Variants in SLC48A1 observed in about 807,000 individuals in gnomAD.
SLC48A1 encodes heme transporter HRG1.
SLC48A1 carries 6 observed loss-of-function variants against 14.8 expected under a neutral mutation model. The ratio of observed to expected loss-of-function variants is 0.41; its 90% CI spans 0.22 to 0.80. SLC48A1 has a LOEUF of 0.80. SLC48A1 is among the 30% of genes least tolerant of loss of function. SLC48A1 has a pLI of 0.34. For missense variants in SLC48A1, 165 were observed against 204.8 expected, an observed-to-expected ratio of 0.81 and a Z score of 1.19; for synonymous variants, 89 against 90.0, an observed-to-expected ratio of 0.99 and a Z score of 0.06.
intron 2 of SLC48A1, among the ~76,000 whole-genome samples, chr12:47,763,679 G>A (rs1592596269): frequency 1.3e-5 from 2 of 152,130 alleles, no homozygotes; most frequent in Admixed American, 6.5e-5. Flanking sequence ...AGCCTTAATG[G>A]GCCCCAAGCC....
chr12:47,760,187 A>G, intron 1 of SLC48A1: 7 of 985,242 alleles, frequency 7.1e-6, no homozygotes, highest in Non-Finnish European at 8.4e-6. Context: ...CATGAAATGG[A>G]AAATCTGTAT....
At chr12:47,776,548 G>A (rs543218399) in intron 1 of SLC48A1, among the ~76,000 whole-genome samples, 26 of 152,222 alleles carry the variant, frequency 1.7e-4, no homozygotes, top group Non-Finnish European at 3.7e-4. Flanking sequence ...CCAGGAGGGT[G>A]GTGGGAGCCA....
At chr12:47,763,222 T>G (rs1350023570) in intron 2 of SLC48A1, among the ~76,000 whole-genome samples, 1 of 152,192 alleles carries the variant, frequency 6.6e-6, no homozygotes, top group East Asian at 1.9e-4. Context: ...CCTTCTTGTC[T>G]CCTACTCATG....
At chr12:47,770,132 A>G (rs771120501), upstream of SLC48A1, among the ~76,000 whole-genome samples, 3 of 152,270 alleles carry the variant, frequency 2.0e-5, no homozygotes, top group Non-Finnish European at 4.4e-5. Context: ...ATGCTCTGCA[A>G]TAGCTCTTCA....
In SLC48A1 at chr12:47,779,076, A is replaced by C; in HGVS notation, c.185A>C (p.Asp62Ala). Residue 62 changes from aspartate to alanine, a missense_variant, in exon 2 of 3, where the codon GAT (aspartate) becomes GCT (alanine). Physicochemically the swap from Asp to Ala is moderately radical, Grantham distance 126. Coordinates refer to ENST00000442218, the MANE Select transcript of SLC48A1 (RefSeq NM_017842.3). ...VLVTHVMYMQ[D>A]YWRTWLKGLR... The stretch of plus-strand genomic sequence containing the variant: ...GTGACGCACGTGATGTACATGCAAG[A>C]TTATTGGAGGACCTGGCTCAAGGGG... 1 of 1,551,750 alleles carries C rather than the reference A, an allele frequency of 6.4e-7. No individual in the cohort carries two copies. Among genetic ancestry groups the C allele is most frequent in the Non-Finnish European group, 8.7e-7 (1 of 1,147,026 alleles).
intron 1 of SLC48A1, chr12:47,759,262 G>A (rs12813049): frequency 0.079 from 22,229 of 282,326 alleles, 1,017 homozygotes; most frequent in Non-Finnish European, 0.097. Context: ...GGAAATCCGG[G>A]CTGGGGCCGC....
intron 1 of SLC48A1, chr12:47,758,955 G>C: frequency 3.0e-6 from 3 of 1,015,600 alleles, no homozygotes; most frequent in South Asian, 4.4e-5. Flanking sequence ...CTGGCGGAGG[G>C]GGCGGGGTGG....
Position 47,780,229 on chromosome 12 carries a change from C to T in SLC48A1, c.389C>T (p.Ala130Val), listed in dbSNP as rs1311244993. The change falls in exon 3 of 3, where the codon GCC (alanine) becomes GTC (valine). Residue 130 changes from alanine (A) to valine (V), a missense_variant. Coordinates refer to ENST00000442218, the MANE Select transcript of SLC48A1 (RefSeq NM_017842.3). ...TGGGCCTTCCTGCTCAGCCTCTATG[C>T]CCACCGCTACCGGGCTGACTTTGCT... ...FKWAFLLSLY[A>V]HRYRADFADI... 2.5e-6 allele frequency: 4 copies of T among 1,614,234 alleles called. No homozygotes were observed. Among genetic ancestry groups the T allele is most frequent in the Non-Finnish European group, 3.4e-6 (4 of 1,180,046 alleles).
At chr12:47,768,702 C>T (rs919989409), upstream of SLC48A1, 11 of 152,080 alleles carry the variant, frequency 7.2e-5, no homozygotes, top group African/African-American at 2.2e-4. Flanking sequence ...TGTATATCTG[C>T]GGGGAGTGAG....
chr12:47,762,973 T>C (rs1282168307), intron 2 of SLC48A1, among the ~76,000 whole-genome samples: 2 of 152,198 alleles, frequency 1.3e-5, no homozygotes, highest in East Asian at 1.9e-4. Context: ...CCAGAGCCTA[T>C]TGGAATTATC....
At chr12:47,758,777 TG>T in intron 1 of SLC48A1, 3 of 803,582 alleles carry the variant, frequency 3.7e-6, no homozygotes, top group Non-Finnish European at 3.1e-6. Context: ...GGGGGCGTGG[TG>T]GGGGGACGCC....
upstream of SLC48A1, among the ~76,000 whole-genome samples, chr12:47,757,529 C>G (rs983159692): frequency 7.2e-5 from 11 of 152,138 alleles, no homozygotes; most frequent in African/African-American, 2.7e-4. Flanking sequence ...TTGACCCGGC[C>G]CCCATACCTC....
At position 47,781,113 on chromosome 12, in the gene SLC48A1, G is replaced by A. The variant is rs1188317862; in HGVS notation, c.*832G>A. The A allele has an allele frequency of 2.9e-6, 1 of 339,300 alleles. No individual in the cohort carries two copies. The highest frequency in any genetic ancestry group is 5.8e-6 in the Non-Finnish European group (1 of 172,798). The allele number at this position is 339,300 out of a possible 1,614,324, so 21.0% of individuals were successfully genotyped here. A position where few individuals can be genotyped will look rare whatever the true frequency, so the allele number is the denominator to read the frequency against. ...ACCCCATCCTGTTGTTCCCAGAGCT[G>A]GTCTCCCATGAGTGTGCTAGAGCCA... is the stretch of plus-strand genomic sequence containing the variant. On this transcript the variant is annotated 3_prime_UTR_variant, in exon 3 of 3. Coordinates refer to ENST00000442218, the MANE Select transcript of SLC48A1 (RefSeq NM_017842.3).
At chr12:47,764,148 A>G (rs7485961) in intron 2 of SLC48A1, among the ~76,000 whole-genome samples, 128,933 of 152,170 alleles carry the variant, frequency 0.85, 54,786 homozygotes, top group East Asian at 0.97. Flanking sequence ...GAGAGAGAGC[A>G]TGTGTGTGTA....
exon 2 of SLC48A1, chr12:47,760,237 T>A: frequency 1.0e-6 from 1 of 985,434 alleles, no homozygotes; most frequent in Non-Finnish European, 1.2e-6. Context: ...TGTCCACACA[T>A]TAAGAAACGC....
chr12:47,762,598 T>C (rs1417698401), intron 2 of SLC48A1, among the ~76,000 whole-genome samples: 3 of 152,250 alleles, frequency 2.0e-5, no homozygotes, highest in Non-Finnish European at 4.4e-5. Flanking sequence ...ATTTGCAGAA[T>C]ACTATGTTAG....
At chr12:47,774,226 A>C (rs1452742489) in intron 1 of SLC48A1, among the ~76,000 whole-genome samples, 1 of 152,254 alleles carries the variant, frequency 6.6e-6, no homozygotes. Context: ...TTGGGCTCGC[A>C]GTTTAACCTC....
At chr12:47,759,032 C>T (rs936497054) in intron 1 of SLC48A1, 6 of 989,118 alleles carry the variant, frequency 6.1e-6, no homozygotes, top group Non-Finnish European at 6.0e-6. Flanking sequence ...GCTTTGGAGT[C>T]CGCACCCGGG....
upstream of SLC48A1, among the ~76,000 whole-genome samples, chr12:47,757,252 T>G (rs953118520): frequency 6.6e-6 from 1 of 152,272 alleles, no homozygotes; most frequent in Admixed American, 6.5e-5. Context: ...AATCCCACCA[T>G]TCTTTCCCCT....
Sources: allele counts gnomAD v4.1 joint callset (sites outside exome capture counted in the v4.1 genomes callset), GRCh38; gene constraint gnomAD v4.1.1; transcripts MANE v1.5; gene names NCBI Gene and HGNC (gene_info 2026-07-23, HGNC 2026-07-21).